PCDH7: variants seen among roughly 807,000 people sequenced by gnomAD.
PCDH7 encodes protocadherin 7.
Under a neutral mutation model 58.9 loss-of-function variants are expected in PCDH7, and 17 were observed. The ratio of observed to expected loss-of-function variants is 0.29; its 90% CI spans 0.20 to 0.43. The LOEUF is 0.43. PCDH7 is among the 20% of genes least tolerant of loss of function. The pLI, the probability that PCDH7 is intolerant of heterozygous loss-of-function variation, is 1.00. For missense variants in PCDH7, 1,274 were observed against 1,441.0 expected, an observed-to-expected ratio of 0.88 and a Z score of 1.88; for synonymous variants, 664 against 616.4, an observed-to-expected ratio of 1.08 and a Z score of -1.14.
intron 1 of PCDH7, among the ~76,000 whole-genome samples, chr4:30,818,902 C>G (rs1358882786): frequency 6.6e-6 from 1 of 152,122 alleles, no homozygotes; most frequent in Non-Finnish European, 1.5e-5. Flanking sequence ...CTTTTATTTT[C>G]CCTACACTTA....
intron 3 of PCDH7, among the ~76,000 whole-genome samples, chr4:30,990,545 A>G (rs1369834861): frequency 6.6e-6 from 1 of 152,148 alleles, no homozygotes; most frequent in African/African-American, 2.4e-5. Flanking sequence ...TCTTTTATAT[A>G]TGGTACAATG....
At chr4:30,909,641 G>A (rs1333297685) in intron 1 of PCDH7, among the ~76,000 whole-genome samples, 1 of 152,106 alleles carries the variant, frequency 6.6e-6, no homozygotes, top group Non-Finnish European at 1.5e-5. Context: ...ACCTCTTCAA[G>A]GAGAACTACA....
Position 30,721,392 on chromosome 4 carries a change from G to A in PCDH7, c.-31G>A. ...GGGGGCGCCGAGGGGGCTGTGGTTA[G>A]AAGGAGCAGTAGCAGCAGCAGCAGG... is the stretch of plus-strand genomic sequence containing the variant. On this transcript the variant is annotated 5_prime_UTR_variant, in exon 1 of 2. Transcript: ENST00000361762. The surrounding 1 kb of genome is among the most constrained non-coding windows in gnomAD (Gnocchi z 6.7). The A allele has an allele frequency of 6.9e-7, 1 of 1,457,842 alleles. No homozygotes were observed. Among genetic ancestry groups the A allele is most frequent in the Non-Finnish European group, 9.0e-7 (1 of 1,106,904 alleles). The allele number at this position is 1,457,842 out of a possible 1,614,324, so 90.3% of individuals were successfully genotyped here.
chr4:30,965,109 A>G (rs1054635937), intron 3 of PCDH7, among the ~76,000 whole-genome samples: 2 of 152,194 alleles, frequency 1.3e-5, no homozygotes, highest in Non-Finnish European at 2.9e-5. Context: ...CTGTTGGTTT[A>G]TATTCTAATA....
At chr4:30,936,759 G>A (rs993676949) in intron 2 of PCDH7, among the ~76,000 whole-genome samples, 2 of 152,036 alleles carry the variant, frequency 1.3e-5, no homozygotes, top group African/African-American at 4.8e-5. Flanking sequence ...CAAAAATTGG[G>A]AAGAGACTAA....
At chr4:31,135,370 C>T (rs1273881119) in intron 3 of PCDH7, among the ~76,000 whole-genome samples, 1 of 152,090 alleles carries the variant, frequency 6.6e-6, no homozygotes, top group Non-Finnish European at 1.5e-5. Context: ...TTTTGAGCAA[C>T]CATGACACGT....
intron 1 of PCDH7, among the ~76,000 whole-genome samples, chr4:30,903,594 T>G (rs542656605): frequency 2.0e-5 from 3 of 152,220 alleles, no homozygotes; most frequent in Admixed American, 2.0e-4. Flanking sequence ...AGATCTTCAT[T>G]GCATCTTTAA....
intron 1 of PCDH7, among the ~76,000 whole-genome samples, chr4:30,859,729 C>A (rs947673918): frequency 2.6e-5 from 4 of 152,044 alleles, no homozygotes; most frequent in African/African-American, 9.7e-5. Context: ...CGTGAGCCAC[C>A]ATGCCGGGCC....
intron 1 of PCDH7, among the ~76,000 whole-genome samples, chr4:30,846,428 G>A (rs1731958896): frequency 6.6e-6 from 1 of 151,736 alleles, no homozygotes; most frequent in Admixed American, 6.6e-5. Context: ...ACAGCAAGAA[G>A]GCCCGCACCA....
intron 3 of PCDH7, among the ~76,000 whole-genome samples, chr4:30,959,415 G>T (rs949843253): frequency 2.6e-5 from 4 of 151,964 alleles, no homozygotes; most frequent in African/African-American, 4.8e-5. Flanking sequence ...ATCTTGTCTT[G>T]TTGGATGAAT....
chr4:30,899,995 G>C (rs1296741047), intron 1 of PCDH7, among the ~76,000 whole-genome samples: 1 of 152,080 alleles, frequency 6.6e-6, no homozygotes, highest in African/African-American at 2.4e-5. Flanking sequence ...CTCAAAACTT[G>C]GTGTGCATCA....
At chr4:30,809,593 T>G (rs1726715260) in intron 1 of PCDH7, among the ~76,000 whole-genome samples, 1 of 152,202 alleles carries the variant, frequency 6.6e-6, no homozygotes, top group South Asian at 2.1e-4. Flanking sequence ...AGGACAACAA[T>G]GATTGTCCAC....
At chr4:30,797,000 G>T (rs1366027835) in intron 1 of PCDH7, among the ~76,000 whole-genome samples, 1 of 150,822 alleles carries the variant, frequency 6.6e-6, no homozygotes, top group Non-Finnish European at 1.5e-5. Flanking sequence ...TGACTCAGTA[G>T]CCCAAGGTGG....
At chr4:31,125,222 GA>G (rs1718159973) in intron 3 of PCDH7, among the ~76,000 whole-genome samples, 1 of 152,148 alleles carries the variant, frequency 6.6e-6, no homozygotes. Flanking sequence ...AAACCTCCAG[GA>G]AAAACAGGTT....
chr4:31,000,558 T>C (rs1752282734), intron 3 of PCDH7, among the ~76,000 whole-genome samples: 1 of 152,116 alleles, frequency 6.6e-6, no homozygotes, highest in African/African-American at 2.4e-5. Context: ...ATTTGTTGTT[T>C]ATGGGGAAAA....
At chr4:31,025,320 G>A (rs1041600187) in intron 3 of PCDH7, among the ~76,000 whole-genome samples, 7 of 152,200 alleles carry the variant, frequency 4.6e-5, no homozygotes, top group Non-Finnish European at 8.8e-5. Flanking sequence ...AAAGCTAAAT[G>A]AAATGGCTGT....
chr4:31,078,754 A>G (rs1759225292), intron 3 of PCDH7, among the ~76,000 whole-genome samples: 1 of 149,316 alleles, frequency 6.7e-6, no homozygotes, highest in African/African-American at 2.5e-5. Flanking sequence ...AAAGTTGGCA[A>G]TATAAATTTT....
intron 2 of PCDH7, among the ~76,000 whole-genome samples, chr4:30,946,607 C>T (rs1478993872): frequency 1.3e-5 from 2 of 151,846 alleles, no homozygotes; most frequent in African/African-American, 4.8e-5. Context: ...GAAAAGCAGT[C>T]TCTCTCTTGT....
chr4:31,051,995 A>T (rs1178900974), intron 3 of PCDH7, among the ~76,000 whole-genome samples: 1 of 152,080 alleles, frequency 6.6e-6, no homozygotes, highest in East Asian at 1.9e-4. Flanking sequence ...GGTTTCATTG[A>T]AAGAGTTGAT....
Sources: gnomAD v4.1 joint callset for allele counts (sites outside exome capture counted in the v4.1 genomes callset) on GRCh38, gnomAD v4.1.1 for gene constraint, Gnocchi (gnomAD v3.1) non-coding constraint, MANE v1.5 for transcripts, NCBI Gene and HGNC (gene_info 2026-07-23, HGNC 2026-07-21) for gene names.